The following UQCC1 variants were observed in gnomAD, a reference collection of about 807,000 sequenced individuals.
UQCC1 encodes ubiquinol-cytochrome c reductase complex assembly factor 1.
UQCC1 carries 38 observed loss-of-function variants against 48.0 expected under a neutral mutation model. The ratio of observed to expected loss-of-function variants is 0.79; its 90% confidence interval spans 0.61 to 1.04. UQCC1 has a LOEUF of 1.04. UQCC1 is among the 50% of genes least tolerant of loss of function. The pLI is 0.00. For missense variants in UQCC1, 368 were observed against 381.8 expected, an observed-to-expected ratio of 0.96 and a Z score of 0.30; for synonymous variants, 111 against 129.2, an observed-to-expected ratio of 0.86 and a Z score of 0.95.
chr20:35,335,622 A>G (rs1215816864), intron 7 of UQCC1, among the ~76,000 whole-genome samples: 16 of 152,204 alleles, frequency 1.1e-4, no homozygotes. Flanking sequence ...CAAATAGGTC[A>G]ATCCATAGAA....
intron 2 of UQCC1, chr20:35,392,237 T>C (rs1290287044): frequency 3.1e-6 from 4 of 1,304,184 alleles, no homozygotes; most frequent in Admixed American, 4.6e-5. Flanking sequence ...GACATGTACC[T>C]GAGGATGCCA....
chr20:35,395,845 T>G (rs1457719256), intron 1 of UQCC1, among the ~76,000 whole-genome samples: 1 of 152,144 alleles, frequency 6.6e-6, no homozygotes, highest in Non-Finnish European at 1.5e-5. Context: ...CTACTACTGA[T>G]TCCACAGACT....
At chr20:35,405,482 GA>G (rs555084300) in intron 1 of UQCC1, among the ~76,000 whole-genome samples, 48 of 152,264 alleles carry the variant, frequency 3.2e-4, no homozygotes, top group African/African-American at 1.1e-3. Context: ...TACACAGGGG[GA>G]AAAAATGCAA....
At chr20:35,307,330 C>T (rs903700305) in intron 8 of UQCC1, among the ~76,000 whole-genome samples, 1 of 152,206 alleles carries the variant, frequency 6.6e-6, no homozygotes, top group African/African-American at 2.4e-5. Context: ...GGCCCAGCCT[C>T]TCCCTAAGTA....
intron 5 of UQCC1, among the ~76,000 whole-genome samples, chr20:35,371,699 GAA>G (rs57335287): frequency 0.013 from 1,179 of 92,196 alleles, 18 homozygotes; most frequent in African/African-American, 0.046. Flanking sequence ...GGCACTTAAA[GAA>G]AAAAAAAAAA....
chr20:35,338,022 C>T (rs1186961977), intron 7 of UQCC1, among the ~76,000 whole-genome samples: 1 of 151,622 alleles, frequency 6.6e-6, no homozygotes, highest in Admixed American at 6.6e-5. Flanking sequence ...CTCGGTGTTC[C>T]TCTACCCTTA....
rs867308701 is a variant in UQCC1, at chr20:35,316,788, G to A, written c.574-2023C>T. ...CAAGTAGCTGGGACTACAGGTGCCC[G>A]CCACCATGCCCAGCTAATTTTTTCT... is the stretch of plus-strand genomic sequence containing the variant. On this transcript the variant is annotated intron_variant, in intron 7 of 9. Transcript: ENST00000374385. 1.3e-4 allele frequency among the ~76,000 whole-genome samples: 19 copies of A among 151,860 alleles called. No homozygotes were observed. The South Asian group carries it at 3.5e-3, about 28-fold the overall frequency.
intron 4 of UQCC1, among the ~76,000 whole-genome samples, chr20:35,380,114 TTTTTG>T (rs1339528561): frequency 2.2e-4 from 33 of 152,336 alleles, no homozygotes; most frequent in Admixed American, 1.2e-3. Flanking sequence ...TCTTTTCTTT[TTTTTG>T]TTTTGACTTC....
At chr20:35,341,001 G>C (rs1303510526) in intron 7 of UQCC1, among the ~76,000 whole-genome samples, 3 of 152,062 alleles carry the variant, frequency 2.0e-5, no homozygotes, top group Admixed American at 6.6e-5. Context: ...GGCCGAGAAG[G>C]GCGGATCACC....
rs1354494171 is a variant in UQCC1 at position 35,352,950 on chromosome 20, A to T, written c.465-5678T>A. Among the ~76,000 whole-genome samples the T allele has an allele frequency of 2.6e-5, 4 of 152,218 alleles. No individual in the cohort carries two copies. In the East Asian group the frequency reaches 7.7e-4, roughly 29 times the overall value. On this transcript the variant is annotated intron_variant, in intron 6 of 9. Coordinates refer to ENST00000374385, the MANE Select transcript of UQCC1 (RefSeq NM_018244.5). ...TCTACCTTGGCCTCCCAAAGTGCTA[A>T]GATACAGGCACGAGCCACTGCGCCC... is the stretch of plus-strand genomic sequence containing the variant.
chr20:35,402,072 T>A (rs1460375318), intron 1 of UQCC1, among the ~76,000 whole-genome samples: 1 of 152,184 alleles, frequency 6.6e-6, no homozygotes, highest in African/African-American at 2.4e-5. Context: ...TCCTTCCAGT[T>A]ACAATGTGGC....
At chr20:35,400,499 CT>C (rs761826611) in intron 1 of UQCC1, among the ~76,000 whole-genome samples, 272 of 141,194 alleles carry the variant, frequency 1.9e-3, no homozygotes, top group African/African-American at 3.1e-3. Context: ...AAATTTTTTT[CT>C]TTTTTTTTTT....
intron 1 of UQCC1, among the ~76,000 whole-genome samples, chr20:35,408,232 C>A (rs765033379): frequency 5.3e-5 from 8 of 152,102 alleles, no homozygotes; most frequent in Non-Finnish European, 1.2e-4. Context: ...AATTTGAGAC[C>A]AGCCTGGGCA....
intron 7 of UQCC1, chr20:35,344,800 G>A (rs2061415980): frequency 1.3e-5 from 2 of 152,246 alleles, no homozygotes; most frequent in African/African-American, 4.8e-5. Context: ...CTAATGATTG[G>A]TGGCTGGCGC....
At chr20:35,341,218 C>CAAA (rs61675932) in intron 7 of UQCC1, among the ~76,000 whole-genome samples, 17 of 115,824 alleles carry the variant, frequency 1.5e-4, no homozygotes, top group African/African-American at 5.6e-4. Flanking sequence ...GAGACTCCGT[C>CAAA]AAAAAAAAAA....
At chr20:35,347,139 C>A in intron 7 of UQCC1, 25 bp downstream of exon 7, 4 of 1,614,174 alleles carry the variant, frequency 2.5e-6, no homozygotes, top group Non-Finnish European at 2.5e-6. Context: ...TTGTCCAGGA[C>A]AAGCATCTGA....
At chr20:35,407,451 G>A (rs74818422) in intron 1 of UQCC1, among the ~76,000 whole-genome samples, 2 of 150,362 alleles carry the variant, frequency 1.3e-5, no homozygotes, top group East Asian at 1.9e-4. Flanking sequence ...GGCAATAAAA[G>A]AAAAAAAAAT....
chr20:35,397,593 G>C lies in UQCC1; in HGVS notation c.25-3397C>G, dbSNP rs756220691. Among the ~76,000 whole-genome samples, 5 of 148,478 alleles carry C rather than the reference G, an allele frequency of 3.4e-5. No individual in the cohort carries two copies. The South Asian group carries it at 1.1e-3, about 31-fold the overall frequency. On this transcript the variant is annotated intron_variant, in intron 1 of 9. Transcript: ENST00000374385. ...TAAACATGTAGACTTTTTTTTTCTCGTCACTACTCCCTAAATAATACAGTA... is the reference window on the plus strand; with the variant it reads ...TAAACATGTAGACTTTTTTTTTCTCCTCACTACTCCCTAAATAATACAGTA...
At chr20:35,304,425 C>A (rs1337428681) in intron 9 of UQCC1, among the ~76,000 whole-genome samples, 5 of 152,120 alleles carry the variant, frequency 3.3e-5, no homozygotes, top group Non-Finnish European at 5.9e-5. Context: ...GGGCTTGCAG[C>A]GCACACAGCC....
Sources: gnomAD v4.1 joint callset for allele counts (sites outside exome capture counted in the v4.1 genomes callset) on GRCh38, gnomAD v4.1.1 for gene constraint, MANE v1.5 for transcripts, NCBI Gene and HGNC (gene_info 2026-07-23, HGNC 2026-07-21) for gene names.